CLCN3: variants seen among roughly 807,000 people sequenced by gnomAD.
CLCN3 encodes Cl-/H+ antiporter 3.
A neutral mutation model predicts 83.4 loss-of-function variants in CLCN3; 16 were observed. That is an observed-to-expected ratio of 0.19 (90% CI 0.13 to 0.29). The LOEUF (loss-of-function observed/expected upper bound fraction) is 0.29, where lower values mean the gene tolerates loss of function less well. CLCN3 is among the 10% of genes least tolerant of loss of function. The pLI, the probability that CLCN3 is intolerant of heterozygous loss-of-function variation, is 1.00. For missense variants in CLCN3, 544 were observed against 1,006.0 expected, an observed-to-expected ratio of 0.54 and a Z score of 6.21; for synonymous variants, 322 against 346.2, an observed-to-expected ratio of 0.93 and a Z score of 0.78.
intron 2 of CLCN3, among the ~76,000 whole-genome samples, chr4:169,638,545 A>C (rs1308058915): frequency 6.6e-6 from 1 of 152,218 alleles, no homozygotes; most frequent in East Asian, 1.9e-4. Flanking sequence ...TATATTCATA[A>C]TTTGAAACAG....
intron 12 of CLCN3, among the ~76,000 whole-genome samples, chr4:169,714,943 C>A (rs1733370005): frequency 6.6e-6 from 1 of 152,102 alleles, no homozygotes; most frequent in Non-Finnish European, 1.5e-5. Context: ...AAACTCAGTA[C>A]TAGTTAAATG....
intron 2 of CLCN3, among the ~76,000 whole-genome samples, chr4:169,658,223 A>G (rs1730942519): frequency 6.7e-6 from 1 of 148,720 alleles, no homozygotes; most frequent in Non-Finnish European, 1.5e-5. Flanking sequence ...ATTCTATACA[A>G]ATATAATTAT....
intron 2 of CLCN3, among the ~76,000 whole-genome samples, chr4:169,666,274 C>T (rs1731242292): frequency 6.6e-6 from 1 of 152,120 alleles, no homozygotes; most frequent in South Asian, 2.1e-4. Flanking sequence ...TATACTATGT[C>T]AGTGAGAAAC....
chr4:169,707,062 A>G lies in CLCN3; in HGVS notation c.1945A>G (p.Thr649Ala). 6.2e-7 allele frequency: 1 copy of G among 1,614,084 alleles called. No individual in the cohort carries two copies. Among genetic ancestry groups the G allele is most frequent in the Non-Finnish European group, 8.5e-7 (1 of 1,179,994 alleles). ...YPFLDAKEEF[T>A]HTTLAADVMR... ...TTTCTTGGATGCAAAAGAAGAATTC[A>G]CTCATACCACCCTGGCTGCTGACGT... Residue 649 changes from threonine to alanine, a missense_variant, in exon 11 of 13, where the codon ACT becomes GCT. Transcript: ENST00000513761.
intron 5 of CLCN3, among the ~76,000 whole-genome samples, chr4:169,690,137 CTTTT>C (rs397769904): frequency 1.0e-4 from 11 of 110,462 alleles, no homozygotes; most frequent in African/African-American, 3.6e-4. Context: ...TCTTTTCTTT[CTTTT>C]TTTTTTTTTT....
Position 169,692,165 on chromosome 4 carries a change from A to G in CLCN3, c.781A>G (p.Thr261Ala). 1 of 1,612,488 alleles carries G rather than the reference A, an allele frequency of 6.2e-7. No individual in the cohort carries two copies. The highest frequency in any genetic ancestry group is 8.5e-7 in the Non-Finnish European group (1 of 1,178,618). ...FIIRGYLGKW[T>A]LMIKTITLVL... ...CATCAGAGGTTACTTGGGAAAATGG[A>G]CTTTAATGATTAAAACCATCACATT... The change falls in exon 7 of 13, where the codon ACT (threonine) becomes GCT (alanine). Residue 261 changes from threonine to alanine, a missense_variant. Physicochemically the swap from Thr to Ala is moderately conservative, Grantham distance 58. This residue lies in a region of CLCN3 where 8 missense variants were observed against 44.6 expected (regional missense o/e 0.18). Transcript: ENST00000513761.
intron 9 of CLCN3, among the ~76,000 whole-genome samples, chr4:169,699,043 G>A (rs1004487103): frequency 1.3e-5 from 2 of 152,222 alleles, no homozygotes; most frequent in African/African-American, 4.8e-5. Flanking sequence ...CCTTTTTCAA[G>A]GTCAGTTGCT....
At chr4:169,638,966 C>T (rs975236642) in intron 2 of CLCN3, among the ~76,000 whole-genome samples, 2 of 152,160 alleles carry the variant, frequency 1.3e-5, no homozygotes, top group Non-Finnish European at 2.9e-5. Context: ...AACATGCAAA[C>T]AAGAGGAAGG....
chr4:169,621,631 AT>A (rs547697411), intron 1 of CLCN3, among the ~76,000 whole-genome samples: 1 of 152,350 alleles, frequency 6.6e-6, no homozygotes, highest in Non-Finnish European at 1.5e-5. Flanking sequence ...ATGGAATTGA[AT>A]CAACAGCGAC....
At position 169,620,744 on chromosome 4, in the gene CLCN3, A is replaced by C. The variant is rs147327875; in HGVS notation, c.-336A>C. The C allele has an allele frequency of 2.5e-6, 1 of 398,494 alleles. No homozygotes were observed. Among genetic ancestry groups the C allele is most frequent in the Non-Finnish European group, 4.4e-6 (1 of 226,078 alleles). 24.7% of individuals were successfully genotyped at this position (398,494 alleles called of 1,614,324 possible). On this transcript the variant is annotated 5_prime_UTR_variant, in exon 1 of 13. Coordinates refer to ENST00000513761, the MANE Select transcript of CLCN3 (RefSeq NM_001829.4). ...GAGCATGGATTCAGTTTTAGTCTTA[A>C]GGGGGAAGTGAGATTGGAGATTTTT...
intron 1 of CLCN3, among the ~76,000 whole-genome samples, chr4:169,621,568 TG>T (rs1247359662): frequency 4.6e-5 from 7 of 152,196 alleles, no homozygotes; most frequent in African/African-American, 1.7e-4. Context: ...ACATATGCAT[TG>T]TGCATATTAG....
chr4:169,633,763 G>A (rs145185716), intron 1 of CLCN3, among the ~76,000 whole-genome samples: 113 of 152,254 alleles, frequency 7.4e-4, no homozygotes, highest in African/African-American at 2.6e-3. Context: ...CATGTAATCA[G>A]TATAAAATTT....
intron 2 of CLCN3, among the ~76,000 whole-genome samples, chr4:169,637,540 C>T (rs1283646798): frequency 1.3e-5 from 2 of 151,998 alleles, no homozygotes; most frequent in African/African-American, 4.8e-5. Context: ...CACTGCACTC[C>T]TGCTAGGCAC....
intron 2 of CLCN3, among the ~76,000 whole-genome samples, chr4:169,666,457 G>A (rs1181585723): frequency 6.6e-6 from 1 of 152,228 alleles, no homozygotes; most frequent in Non-Finnish European, 1.5e-5. Context: ...GCATAAGGAT[G>A]TGAGTGCTGG....
intron 3 of CLCN3, among the ~76,000 whole-genome samples, chr4:169,683,851 C>T (rs1329405200): frequency 6.6e-6 from 1 of 151,712 alleles, no homozygotes; most frequent in African/African-American, 2.4e-5. Flanking sequence ...TCAAGCAGCT[C>T]TCGTGCTTCA....
chr4:169,634,539 A>G (rs946456590), intron 1 of CLCN3, among the ~76,000 whole-genome samples: 1 of 152,236 alleles, frequency 6.6e-6, no homozygotes, highest in African/African-American at 2.4e-5. Flanking sequence ...GTTTTAATTA[A>G]TATACTCTAA....
chr4:169,636,857 G>A (rs1730216708), intron 2 of CLCN3, among the ~76,000 whole-genome samples: 1 of 150,468 alleles, frequency 6.6e-6, no homozygotes, highest in South Asian at 2.1e-4. Flanking sequence ...AGAATGGAAT[G>A]CTTAGATCAT....
At chr4:169,662,357 G>A (rs1731086391) in intron 2 of CLCN3, among the ~76,000 whole-genome samples, 1 of 152,088 alleles carries the variant, frequency 6.6e-6, no homozygotes, top group African/African-American at 2.4e-5. Context: ...CAGTTATTAG[G>A]CTTTCGTGAC....
chr4:169,696,180 C>T (rs112272756), intron 8 of CLCN3, among the ~76,000 whole-genome samples: 3,446 of 152,184 alleles, frequency 0.023, 58 homozygotes, highest in Non-Finnish European at 0.034. Context: ...ACCTCCGCCT[C>T]CAGGGTTCAA....
Sources: gnomAD v4.1 joint callset for allele counts (sites outside exome capture counted in the v4.1 genomes callset) on GRCh38, gnomAD v4.1.1 for gene constraint, gnomAD v4.1.1 regional missense constraint, MANE v1.5 for transcripts, NCBI Gene and HGNC (gene_info 2026-07-23, HGNC 2026-07-21) for gene names.